OR2T1: variants seen among roughly 807,000 people sequenced by gnomAD.
The protein encoded by OR2T1 is olfactory receptor family 2 subfamily T member 1.
For missense variants in OR2T1, 440 were observed against 390.2 expected, an observed-to-expected ratio of 1.13 and a Z score of -1.07; for synonymous variants, 186 against 145.4, an observed-to-expected ratio of 1.28 and a Z score of -2.01.
At position 248,406,541 on chromosome 1, in the gene OR2T1, C is replaced by T. The variant is rs1661562060; in HGVS notation, c.394C>T (p.Pro132Ser). The change falls in exon 2 of 2, where the codon CCT becomes TCT. Residue 132 changes from proline (P) to serine (S), a missense_variant. By Grantham distance (74) the Pro-to-Ser change is moderately conservative (BLOSUM62 -1). Transcript: ENST00000642005. ...GGCCATTTGCAACCCTCTGAGATAC[C>T]CTGTCCTCATGAGCCGCCGGGTCTG... ...YVAICNPLRY[P>S]VLMSRRVCWM... 2 of 1,613,954 alleles carry T rather than the reference C, an allele frequency of 1.2e-6. No individual in the cohort carries two copies. The highest frequency in any genetic ancestry group is 2.2e-5 in the South Asian group (2 of 91,074).
rs997655693 is a variant in OR2T1, at chr1:248,406,212, C to T, written c.65C>T (p.Thr22Ile). ...ATGGGGCTGTTCAACAGAAAGGAAACCTCAGGTCTTATTTTTGCCATCATC... is the reference window on the plus strand; with the variant it reads ...ATGGGGCTGTTCAACAGAAAGGAAATCTCAGGTCTTATTTTTGCCATCATC... ...TFMGLFNRKETSGLIFAIISI... is the reference protein window; with the variant it reads ...TFMGLFNRKEISGLIFAIISI... Residue 22 changes from threonine (T) to isoleucine (I), a missense_variant, in exon 2 of 2, where the codon ACC (threonine) becomes ATC (isoleucine). By Grantham distance (89) the Thr-to-Ile change is moderately conservative (BLOSUM62 -1). Transcript: ENST00000642005. The T allele has an allele frequency of 6.2e-7, 1 of 1,613,920 alleles. No homozygotes were observed. The highest frequency in any genetic ancestry group is 1.3e-5 in the African/African-American group (1 of 74,896).
Position 248,406,670 on chromosome 1 carries a change from C to A in OR2T1, c.523C>A (p.His175Asn). 1 of 1,614,118 alleles carries A rather than the reference C, an allele frequency of 6.2e-7. No individual in the cohort carries two copies. Among genetic ancestry groups the A allele is most frequent in the Non-Finnish European group, 8.5e-7 (1 of 1,180,000 alleles). The part of the protein sequence containing the change: ...FPFCNSREIN[H>N]FFCEAPAVLK... ...CTTCTGCAATTCCCGGGAGATTAAC[C>A]ACTTCTTCTGTGAGGCACCAGCAGT... The change falls in exon 2 of 2, where the codon CAC (histidine) becomes AAC (asparagine). Residue 175 changes from histidine to asparagine, a missense_variant. By Grantham distance (68) the His-to-Asn change is moderately conservative. Transcript: ENST00000642005.
At position 248,406,131 on chromosome 1, in the gene OR2T1, G is replaced by A; in HGVS notation, c.-17G>A. 6.2e-7 allele frequency: 1 copy of A among 1,614,006 alleles called. No homozygotes were observed. The highest frequency in any genetic ancestry group is 1.1e-5 in the South Asian group (1 of 91,082). ...ATTTGGAAGATATTACCTTATATCG[G>A]CACAACTGTAGGATCAATGGAAGAG... On this transcript the variant is annotated 5_prime_UTR_variant, in exon 2 of 2. Transcript: ENST00000642005.
chr1:248,404,624 T>A (rs941151170), intron 1 of OR2T1, among the ~76,000 whole-genome samples: 6 of 149,910 alleles, frequency 4.0e-5, no homozygotes, highest in Non-Finnish European at 5.9e-5. Flanking sequence ...GTACACATAG[T>A]TTATATCCAT....
chr1:248,406,704 T>A lies in OR2T1; in HGVS notation c.557T>A (p.Leu186Ter). 6.2e-7 allele frequency: 1 copy of A among 1,614,144 alleles called. No homozygotes were observed. The highest frequency in any genetic ancestry group is 1.3e-5 in the African/African-American group (1 of 75,066). The part of the protein sequence containing the change: ...FFCEAPAVLK[L>*]ACADTALYET... Reference sequence around the variant, plus strand: ...TGTGAGGCACCAGCAGTCCTGAAGTTGGCATGTGCAGACACAGCCCTCTAC... The same window carrying A: ...TGTGAGGCACCAGCAGTCCTGAAGTAGGCATGTGCAGACACAGCCCTCTAC... The change falls in exon 2 of 2, where the codon TTG (leucine) becomes TAG (stop). Residue 186 changes from leucine (L) to a stop codon, truncating the protein, a stop_gained. Coordinates refer to ENST00000642005, the MANE Select transcript of OR2T1 (RefSeq NM_030904.2). LOFTEE classifies it low-confidence loss of function (END_TRUNC).
chr1:248,405,152 G>A (rs1337448314), intron 1 of OR2T1, among the ~76,000 whole-genome samples: 1 of 152,134 alleles, frequency 6.6e-6, no homozygotes, highest in Admixed American at 6.6e-5. Context: ...TCCCAAATAT[G>A]TTGGTAAAAT....
At position 248,406,532 on chromosome 1, in the gene OR2T1, C is replaced by T; in HGVS notation, c.385C>T (p.Leu129=). 1 of 1,614,144 alleles carries T rather than the reference C, an allele frequency of 6.2e-7. No individual in the cohort carries two copies. Among genetic ancestry groups the T allele is most frequent in the East Asian group, 2.2e-5 (1 of 44,884 alleles). The change falls in exon 2 of 2, where the codon CTG becomes TTG. Residue 129 remains leucine (L), a synonymous_variant. Coordinates refer to ENST00000642005, the MANE Select transcript of OR2T1 (RefSeq NM_030904.2). ...YDRYVAICNP[L]RYPVLMSRRV... The stretch of plus-strand genomic sequence containing the variant: ...CCGCTATGTGGCCATTTGCAACCCT[C>T]TGAGATACCCTGTCCTCATGAGCCG...
In OR2T1 at chr1:248,407,034, T is replaced by A. The variant is rs1308667266; in HGVS notation, c.887T>A (p.Val296Glu). The A allele has an allele frequency of 6.2e-7, 1 of 1,613,952 alleles. No individual in the cohort carries two copies. Among genetic ancestry groups the A allele is most frequent in the Non-Finnish European group, 8.5e-7 (1 of 1,179,914 alleles). The change falls in exon 2 of 2, where the codon GTG (valine) becomes GAG (glutamate). Residue 296 changes from valine to glutamate, a missense_variant. Val to Glu is a moderately radical substitution (Grantham distance 121). Coordinates refer to ENST00000642005, the MANE Select transcript of OR2T1 (RefSeq NM_030904.2). The part of the protein sequence containing the change: ...PLIYSLRNKD[V>E]TGALKRALGR... Reference sequence around the variant, plus strand: ...ATCTACAGCCTTAGAAACAAGGATGTGACTGGAGCTCTGAAGAGGGCCTTG... The same window carrying A: ...ATCTACAGCCTTAGAAACAAGGATGAGACTGGAGCTCTGAAGAGGGCCTTG...
Position 248,406,229 on chromosome 1 carries a change from G to T in OR2T1, c.82G>T (p.Ala28Ser). 6.2e-7 allele frequency: 1 copy of T among 1,614,074 alleles called. No individual in the cohort carries two copies. The highest frequency in any genetic ancestry group is 8.5e-7 in the Non-Finnish European group (1 of 1,179,998). ...AAAGGAAACCTCAGGTCTTATTTTT[G>T]CCATCATCTCTATCATCTTCTTCAC... ...NRKETSGLIFAIISIIFFTAL... is the reference protein window; with the variant it reads ...NRKETSGLIFSIISIIFFTAL... The change falls in exon 2 of 2, where the codon GCC (alanine) becomes TCC (serine). Residue 28 changes from alanine to serine, a missense_variant. Physicochemically the swap from Ala to Ser is moderately conservative, Grantham distance 99. Coordinates refer to ENST00000642005, the MANE Select transcript of OR2T1 (RefSeq NM_030904.2).
chr1:248,404,062 T>C (rs1423632024), intron 1 of OR2T1, among the ~76,000 whole-genome samples: 1 of 151,646 alleles, frequency 6.6e-6, no homozygotes, highest in Non-Finnish European at 1.5e-5. Flanking sequence ...GTTGTGGATT[T>C]TACTGTAACC....
chr1:248,404,561 A>ATATATATATATATATATATATAT (rs1661514784), intron 1 of OR2T1, among the ~76,000 whole-genome samples: 2 of 110,500 alleles, frequency 1.8e-5, no homozygotes, highest in Non-Finnish European at 3.8e-5. Context: ...TATATATATA[A>ATATATATATATATATATATATAT]AATATACATA....
rs1212216591 is a variant in OR2T1, at chr1:248,407,477, G to A, written c.*373G>A. 2.9e-5 allele frequency: 6 copies of A among 209,214 alleles called. No individual in the cohort carries two copies. Among genetic ancestry groups the A allele is most frequent in the East Asian group, 1.2e-4 (1 of 8,606 alleles). 13.0% of individuals were successfully genotyped at this position (209,214 alleles called of 1,614,324 possible). ...CAAAAGAGGTCTTCTCTCATACCCT[G>A]GGGGAGGGAATGCTATACAGAGAGG... On this transcript the variant is annotated 3_prime_UTR_variant, in exon 2 of 2. Coordinates refer to ENST00000642005, the MANE Select transcript of OR2T1 (RefSeq NM_030904.2).
In OR2T1 at chr1:248,406,617, T is replaced by C. The variant is rs1661564545; in HGVS notation, c.470T>C (p.Leu157Pro). 6.2e-7 allele frequency: 1 copy of C among 1,614,112 alleles called. No individual in the cohort carries two copies. Among genetic ancestry groups the C allele is most frequent in the Non-Finnish European group, 8.5e-7 (1 of 1,179,986 alleles). ...SWFGGSLDGF[L>P]LTPITMSFPF... is the part of the protein sequence containing the mutation. ...TTTGGGGGCTCTTTGGATGGCTTCCTCCTAACCCCCATCACCATGAGCTTT... is the reference window on the plus strand; with the variant it reads ...TTTGGGGGCTCTTTGGATGGCTTCCCCCTAACCCCCATCACCATGAGCTTT... Residue 157 changes from leucine (L) to proline (P), a missense_variant, in exon 2 of 2, where the codon CTC becomes CCC. By Grantham distance (98) the Leu-to-Pro change is moderately conservative. Transcript: ENST00000642005.
rs138834077 is a variant in OR2T1, at chr1:248,406,649, T to C, written c.502T>C (p.Cys168Arg). The C allele has an allele frequency of 2.7e-4, 434 of 1,614,162 alleles. No individual in the cohort carries two copies. Among genetic ancestry groups the C allele is most frequent in the Non-Finnish European group, 2.9e-4 (346 of 1,180,024 alleles). Residue 168 changes from cysteine (C) to arginine (R), a missense_variant, in exon 2 of 2, where the codon TGC (cysteine) becomes CGC (arginine). Physicochemically the swap from Cys to Arg is radical, Grantham distance 180. Transcript: ENST00000642005. ...CCCCATCACCATGAGCTTTCCCTTC[T>C]GCAATTCCCGGGAGATTAACCACTT... ...LTPITMSFPF[C>R]NSREINHFFC...
At position 248,407,033 on chromosome 1, in the gene OR2T1, G is replaced by A. The variant is rs1661577530; in HGVS notation, c.886G>A (p.Val296Met). 6.2e-7 allele frequency: 1 copy of A among 1,613,972 alleles called. No individual in the cohort carries two copies. The highest frequency in any genetic ancestry group is 1.1e-5 in the South Asian group (1 of 91,046). The change falls in exon 2 of 2, where the codon GTG (valine) becomes ATG (methionine). Residue 296 changes from valine (V) to methionine (M), a missense_variant. Physicochemically the swap from Val to Met is conservative, Grantham distance 21. Transcript: ENST00000642005. ...CATCTACAGCCTTAGAAACAAGGAT[G>A]TGACTGGAGCTCTGAAGAGGGCCTT... ...PLIYSLRNKD[V>M]TGALKRALGR... is the part of the protein sequence containing the mutation.
chr1:248,405,538 G>A (rs757447964), intron 1 of OR2T1, among the ~76,000 whole-genome samples: 6 of 152,202 alleles, frequency 3.9e-5, no homozygotes, highest in Non-Finnish European at 5.9e-5. Context: ...AGTAGTTTCC[G>A]TTGAGTTTCT....
In OR2T1 at chr1:248,406,405, G is replaced by A. The variant is rs1372928327; in HGVS notation, c.258G>A (p.Leu86=). 6.2e-7 allele frequency: 1 copy of A among 1,613,902 alleles called. No individual in the cohort carries two copies. Among genetic ancestry groups the A allele is most frequent in the East Asian group, 2.2e-5 (1 of 44,890 alleles). The change falls in exon 2 of 2, where the codon CTG becomes CTA. Residue 86 remains leucine (L), a synonymous_variant. Transcript: ENST00000642005. ...CTAAGATGCTGGTTAATTACCTGCT[G>A]GATCAAAGGACCATTTCCTTTGTGG... ...IVPKMLVNYL[L]DQRTISFVGC...
In OR2T1 at chr1:248,407,516, G is replaced by A. The variant is rs148490260; in HGVS notation, c.*412G>A. The stretch of plus-strand genomic sequence containing the variant: ...TATACAGAGAGGCCAAGAAAAATCC[G>A]ATCAGACAGGCCTTCGTGGGTGTCC... On this transcript the variant is annotated 3_prime_UTR_variant, in exon 2 of 2. Transcript: ENST00000642005. 3.1e-3 allele frequency: 554 copies of A among 178,388 alleles called. 4 individuals are homozygous for A. Among genetic ancestry groups the A allele is most frequent in the African/African-American group, 0.012 (504 of 42,630 alleles). The allele number at this position is 178,388 out of a possible 1,614,324, so 11.1% of individuals were successfully genotyped here.
In OR2T1 at chr1:248,407,984, G is replaced by A. The variant is rs1197590555; in HGVS notation, c.*880G>A. ...ACAGGACAACTTGGGGCTTTTAATTGGCACTGGAAATGGAAGGCAGTGTTA... is the reference window on the plus strand; with the variant it reads ...ACAGGACAACTTGGGGCTTTTAATTAGCACTGGAAATGGAAGGCAGTGTTA... On this transcript the variant is annotated 3_prime_UTR_variant, in exon 2 of 2. Transcript: ENST00000642005. The A allele has an allele frequency of 6.6e-6, 1 of 152,304 alleles. No homozygotes were observed. The highest frequency in any genetic ancestry group is 1.9e-4 in the East Asian group (1 of 5,210). The allele number at this position is 152,304 out of a possible 1,614,324, so 9.4% of individuals were successfully genotyped here.
Sources: allele counts gnomAD v4.1 joint callset (sites outside exome capture counted in the v4.1 genomes callset), GRCh38; gene constraint gnomAD v4.1.1; transcripts MANE v1.5; gene names NCBI Gene and HGNC (gene_info 2026-07-23, HGNC 2026-07-21).